The following NHSL2 variants were observed in gnomAD, a reference collection of about 807,000 sequenced individuals.
NHSL2 encodes the protein NHS like 2, also known as NHS-like protein 2.
Under a neutral mutation model 53.4 loss-of-function variants are expected in NHSL2, and 27 were observed. The ratio of observed to expected loss-of-function variants is 0.51; its 90% CI spans 0.37 to 0.70. The LOEUF (loss-of-function observed/expected upper bound fraction) is 0.70, where lower values mean the gene tolerates loss of function less well. Ranked by LOEUF, NHSL2 falls within the 30% of genes least tolerant of loss-of-function variation. The probability of loss-of-function intolerance (pLI) is 0.00; values close to 1 mark genes in which losing one functional copy is unlikely to be tolerated. For missense variants in NHSL2, 892 were observed against 980.1 expected (o/e 0.91, Z 1.20); for synonymous variants, 408 against 404.1 (o/e 1.01, Z -0.12).
chrX:72,137,595 G>T (rs756041700), intron 5 of NHSL2, among the ~76,000 whole-genome samples: 1 of 111,788 alleles, frequency 8.9e-6, no homozygotes, highest in African/African-American at 3.3e-5. Flanking sequence ...ACAGACCAGG[G>T]AGATAGCAGA....
intron 1 of NHSL2, among the ~76,000 whole-genome samples, chrX:72,031,286 A>G (rs1489204540): frequency 9.0e-6 from 1 of 111,294 alleles, no homozygotes; most frequent in African/African-American, 3.3e-5. Flanking sequence ...TCAGACTCCT[A>G]CACACCTGTT....
chrX:72,091,513 T>C (rs959352566), intron 1 of NHSL2, among the ~76,000 whole-genome samples: 2 of 112,300 alleles, frequency 1.8e-5, no homozygotes, highest in Non-Finnish European at 3.8e-5. Flanking sequence ...GTTGTTTCAG[T>C]TGACCCTGCC....
At chrX:72,053,607 C>T (rs1231940010) in intron 1 of NHSL2, among the ~76,000 whole-genome samples, 1 of 111,140 alleles carries the variant, frequency 9.0e-6, no homozygotes, top group Non-Finnish European at 1.9e-5. Context: ...GAAAAGGGCC[C>T]GAGGGATCAT....
chrX:72,129,905 G>A lies in NHSL2; in HGVS notation c.281-2174G>A, dbSNP rs1326767228. 5 of 1,208,872 alleles carry A rather than the reference G, an allele frequency of 4.1e-6. No homozygotes were observed. The highest frequency in any genetic ancestry group is 3.5e-5 in the African/African-American group (2 of 57,069). ...GTGAGGCGGAAAAGCACAGGGGGGC[G>A]TCTTCGAACTTGGCGTTGTCCTAAA... On this transcript the variant is annotated intron_variant, in intron 1 of 7. Transcript: ENST00000633930.
Position 72,002,561 on chromosome X carries a change from A to G in NHSL2, c.280+91194A>G, listed in dbSNP as rs150366609. ...GATGCCTCGGAGCAACTTTGTGATT[A>G]GTGATATTGTTCTCATATCACAGAT... On this transcript the variant is annotated intron_variant, in intron 1 of 7. Transcript: ENST00000633930. 8.8e-4 allele frequency among the ~76,000 whole-genome samples: 99 copies of G among 112,115 alleles called. No individual in the cohort carries two copies. In the East Asian group the frequency reaches 0.02, roughly 23 times the overall value.
At chrX:72,107,268 A>C (rs2042051680) in intron 1 of NHSL2, among the ~76,000 whole-genome samples, 1 of 111,258 alleles carries the variant, frequency 9.0e-6, no homozygotes, top group African/African-American at 3.3e-5. Context: ...CTAAAAATAC[A>C]AAAAAATTAA....
intron 1 of NHSL2, among the ~76,000 whole-genome samples, chrX:72,022,410 A>AT (rs200892061): frequency 0.054 from 5,874 of 109,165 alleles, 163 homozygotes; most frequent in South Asian, 0.088. Flanking sequence ...TTAAACAACA[A>AT]TTTTTTTTTT....
intron 1 of NHSL2, among the ~76,000 whole-genome samples, chrX:72,049,009 AGAAGAGGAAGAG>A (rs879168606): frequency 7.7e-4 from 66 of 86,058 alleles, no homozygotes; most frequent in African/African-American, 2.1e-3. Context: ...AAGAAGAAGA[AGAAGAGGAAGAG>A]GAAGAGGAAG....
At position 72,138,451 on chromosome X, in the gene NHSL2, C is replaced by T; in HGVS notation, c.903C>T (p.Asn301=). The T allele has an allele frequency of 2.6e-6, 3 of 1,142,666 alleles. No individual in the cohort carries two copies. The highest frequency in any genetic ancestry group is 3.5e-6 in the Non-Finnish European group (3 of 856,763). 94.2% of individuals were successfully genotyped at this position (1,142,666 alleles called of 1,213,427 possible). A position where few individuals can be genotyped will look rare whatever the true frequency, so the allele number is the denominator to read the frequency against. Residue 301 remains asparagine, a synonymous_variant, in exon 6 of 8, where the codon AAC becomes AAT. Coordinates refer to ENST00000633930, the MANE Select transcript of NHSL2 (RefSeq NM_001013627.3). ...GTTTATTTCCTCCAGGTCACAGCAA[C>T]AGCCCAGCAGGCAGTGTGGCCCACT... ...NFSQRDQGHS[N]SPAGSVAHST... is the part of the protein sequence containing the mutation.
At chrX:71,995,988 T>C (rs1396345767) in intron 1 of NHSL2, among the ~76,000 whole-genome samples, 1 of 112,131 alleles carries the variant, frequency 8.9e-6, no homozygotes, top group Admixed American at 9.4e-5. Flanking sequence ...TCTGGGATTC[T>C]CAGGAACAGA....
At chrX:72,074,969 C>T (rs1174389576) in intron 1 of NHSL2, among the ~76,000 whole-genome samples, 1 of 112,016 alleles carries the variant, frequency 8.9e-6, no homozygotes, top group Non-Finnish European at 1.9e-5. Flanking sequence ...TAATAAAAAC[C>T]ATTAACACAT....
chrX:71,924,118 C>T (rs996197453), intron 1 of NHSL2, among the ~76,000 whole-genome samples: 1 of 111,902 alleles, frequency 8.9e-6, no homozygotes, highest in Non-Finnish European at 1.9e-5. Context: ...AAAAGACTTA[C>T]CTTTTGCTCT....
At chrX:72,134,468 AG>A (rs1239298368) in intron 3 of NHSL2, 40 bp from the exon 4 acceptor site, 68 of 1,086,185 alleles carry the variant, frequency 6.3e-5, no homozygotes, top group Non-Finnish European at 8.5e-5. Context: ...GCTCATTGCC[AG>A]GCAGGAATAC....
chrX:72,135,269 A>G (rs1278727452), intron 4 of NHSL2, among the ~76,000 whole-genome samples: 1 of 111,972 alleles, frequency 8.9e-6, no homozygotes, highest in Non-Finnish European at 1.9e-5. Context: ...CCTAAGGCCA[A>G]AAAGACCAAA....
At chrX:72,091,453 C>CAA (rs763099839) in intron 1 of NHSL2, among the ~76,000 whole-genome samples, 14 of 99,801 alleles carry the variant, frequency 1.4e-4, no homozygotes, top group African/African-American at 4.3e-4. Context: ...GACTCCGTCT[C>CAA]AAAAAAAAAA....
At chrX:72,043,107 C>G (rs1013239880) in intron 1 of NHSL2, among the ~76,000 whole-genome samples, 3 of 111,358 alleles carry the variant, frequency 2.7e-5, no homozygotes, top group African/African-American at 9.8e-5. Context: ...TGGGCATGGC[C>G]ACACACAGCT....
At chrX:72,128,238 G>A (rs1232613384) in intron 1 of NHSL2, 4 of 111,817 alleles carry the variant, frequency 3.6e-5, no homozygotes, top group African/African-American at 1.3e-4. Context: ...TCTTCCTCCA[G>A]CTTTTTTCTC....
intron 1 of NHSL2, among the ~76,000 whole-genome samples, chrX:72,124,130 T>G (rs1313536523): frequency 9.2e-6 from 1 of 109,259 alleles, no homozygotes; most frequent in African/African-American, 3.4e-5. Flanking sequence ...TGGAGCCCAC[T>G]CCCCACCTCC....
intron 1 of NHSL2, among the ~76,000 whole-genome samples, chrX:72,076,486 T>C (rs2041744334): frequency 9.0e-6 from 1 of 111,583 alleles, no homozygotes; most frequent in Non-Finnish European, 1.9e-5. Context: ...TCCAGTTTCT[T>C]TCCCCACCAC....
Sources: allele counts gnomAD v4.1 joint callset (sites outside exome capture counted in the v4.1 genomes callset), GRCh38; gene constraint gnomAD v4.1.1; transcripts MANE v1.5; gene names NCBI Gene and HGNC (gene_info 2026-07-23, HGNC 2026-07-21).